Variants in CLDN24 observed in about 807,000 individuals in gnomAD.
The protein encoded by CLDN24 is claudin-24.
For missense variants in CLDN24, 217 were observed against 253.9 expected, an observed-to-expected ratio of 0.85 and a Z score of 0.99; for synonymous variants, 103 against 104.7, an observed-to-expected ratio of 0.98 and a Z score of 0.10.
In CLDN24 at chr4:183,322,365, C is replaced by T. The variant is rs774618942; in HGVS notation, c.62G>A (p.Trp21Ter). 2 of 1,612,880 alleles carry T rather than the reference C, an allele frequency of 1.2e-6. No individual in the cohort carries two copies. Among genetic ancestry groups the T allele is most frequent in the African/African-American group, 1.3e-5 (1 of 75,014 alleles). The change falls in exon 1 of 1, where the codon TGG becomes TAG. Residue 21 changes from tryptophan to a stop codon, truncating the protein, a stop_gained. Transcript: ENST00000541814. LOFTEE classifies it low-confidence loss of function (END_TRUNC). ...ATAAGTTGTAATAATGGATAAAATC[C>T]ATCCCAGGAGAGATAGTAAAAGTCC... Reference protein sequence around the residue: ...SVGLLLSLLGWILSIITTYLP... With the variant: ...SVGLLLSLLG
Position 183,322,223 on chromosome 4 carries a change from G to C in CLDN24, c.204C>G (p.Asp68Glu). 1 of 1,613,790 alleles carries C rather than the reference G, an allele frequency of 6.2e-7. No homozygotes were observed. Among genetic ancestry groups the C allele is most frequent in the South Asian group, 1.1e-5 (1 of 91,066 alleles). The stretch of plus-strand genomic sequence containing the variant: ...GTTCAGCAGGCAAAGCCAGGAAGGA[G>C]TCAAAGTCCTTGCATTGCATCCCCA... Reference protein sequence around the residue: ...EEVGMQCKDFDSFLALPAELR... With the variant: ...EEVGMQCKDFESFLALPAELR... The change falls in exon 1 of 1, where the codon GAC (aspartate) becomes GAG (glutamate). Residue 68 changes from aspartate (D) to glutamate (E), a missense_variant. Coordinates refer to ENST00000541814, the MANE Select transcript of CLDN24 (RefSeq NM_001185149.1).
chr4:183,322,156 C>A lies in CLDN24; in HGVS notation c.271G>T (p.Gly91Ter), dbSNP rs1353294440. Residue 91 changes from glycine to a stop codon, truncating the protein, a stop_gained, in exon 1 of 1, where the codon GGA becomes TGA. Transcript: ENST00000541814. LOFTEE classifies it low-confidence loss of function (END_TRUNC). ...CCAGAGACCAGCAGGCCCAGAAATC[C>A]CAGCCCATTTGACAGAAACATTAAG... ...RILMFLSNGL[G>*]FLGLLVSGFG... 1.9e-6 allele frequency: 3 copies of A among 1,612,692 alleles called. No individual in the cohort carries two copies. Among genetic ancestry groups the A allele is most frequent in the Non-Finnish European group, 2.5e-6 (3 of 1,179,248 alleles).
chr4:183,322,065 A>G lies in CLDN24; in HGVS notation c.362T>C (p.Leu121Pro), dbSNP rs1012681422. 1 of 1,613,972 alleles carries G rather than the reference A, an allele frequency of 6.2e-7. No homozygotes were observed. The highest frequency in any genetic ancestry group is 1.3e-5 in the African/African-American group (1 of 75,028). Residue 121 changes from leucine (L) to proline (P), a missense_variant, in exon 1 of 1, where the codon CTG becomes CCG. Physicochemically the swap from Leu to Pro is moderately conservative, Grantham distance 98 (BLOSUM62 -3). Coordinates refer to ENST00000541814, the MANE Select transcript of CLDN24 (RefSeq NM_001185149.1). ...CGAGGCCCAGGACAGAATTCCTCCC[A>G]GAATGAGCAGTCGCCTCTTGAGATC... ...QRDLKRRLLI[L>P]GGILSWASGI...
rs1457527250 is a variant in CLDN24, at chr4:183,321,933, G to A, written c.494C>T (p.Ala165Val). Residue 165 changes from alanine to valine, a missense_variant, in exon 1 of 1, where the codon GCC (alanine) becomes GTC (valine). Ala to Val is a moderately conservative substitution (Grantham distance 64). Coordinates refer to ENST00000541814, the MANE Select transcript of CLDN24 (RefSeq NM_001185149.1). ...DFVPRWEFGEALFLGWFAGLS... is the reference protein window; with the variant it reads ...DFVPRWEFGEVLFLGWFAGLS... ...TCCAGCAAACCAGCCCAGAAACAGG[G>A]CCTCCCCAAACTCCCACCTGGGGAC... 6.3e-7 allele frequency: 1 copy of A among 1,588,584 alleles called. No individual in the cohort carries two copies. Among genetic ancestry groups the A allele is most frequent in the South Asian group, 1.1e-5 (1 of 87,482 alleles).
chr4:183,322,180 A>G lies in CLDN24; in HGVS notation c.247T>C (p.Leu83=), dbSNP rs1178217045. The change falls in exon 1 of 1, where the codon TTA becomes CTA. Residue 83 remains leucine (L), a synonymous_variant. Transcript: ENST00000541814. ...LPAELRVSRI[L]MFLSNGLGFL... ...CCCAGCCCATTTGACAGAAACATTA[A>G]GATCCTGGAGACCCTGAGTTCAGCA... The G allele has an allele frequency of 3.7e-6, 6 of 1,613,060 alleles. No individual in the cohort carries two copies. The highest frequency in any genetic ancestry group is 5.1e-6 in the Non-Finnish European group (6 of 1,179,446).
rs753937324 is a variant in CLDN24 at position 183,322,019 on chromosome 4, G to A, written c.408C>T (p.Pro136=). Residue 136 remains proline, a synonymous_variant, in exon 1 of 1, where the codon CCC becomes CCT. Transcript: ENST00000541814. ...CCGTCTTGTGGGCAACCCAAGAGACGGGAACCAGGGCTGTGATTCCCGAGG... is the reference window on the plus strand; with the variant it reads ...CCGTCTTGTGGGCAACCCAAGAGACAGGAACCAGGGCTGTGATTCCCGAGG... The part of the protein sequence containing the change: ...SWASGITALV[P]VSWVAHKTVQ... 43 of 1,613,660 alleles carry A rather than the reference G, an allele frequency of 2.7e-5. 1 individual carries two copies. In the East Asian group the frequency reaches 5.1e-4, roughly 19 times the overall value.
At position 183,322,160 on chromosome 4, in the gene CLDN24, C is replaced by A; in HGVS notation, c.267G>T (p.Gly89=). 1 of 1,612,810 alleles carries A rather than the reference C, an allele frequency of 6.2e-7. No individual in the cohort carries two copies. The highest frequency in any genetic ancestry group is 8.5e-7 in the Non-Finnish European group (1 of 1,179,204). ...VSRILMFLSN[G]LGFLGLLVSG... is the part of the protein sequence containing the mutation. Reference sequence around the variant, plus strand: ...AGACCAGCAGGCCCAGAAATCCCAGCCCATTTGACAGAAACATTAAGATCC... The same window carrying A: ...AGACCAGCAGGCCCAGAAATCCCAGACCATTTGACAGAAACATTAAGATCC... The change falls in exon 1 of 1, where the codon GGG becomes GGT. Residue 89 remains glycine (G), a synonymous_variant. Transcript: ENST00000541814.
rs376740595 is a variant in CLDN24, at chr4:183,322,337, C to G, written c.90G>C (p.Leu30Phe). Reference sequence around the variant, plus strand: ...CCAGGTTGAGGTTCTTCCAGTGTGGCAAATAAGTTGTAATAATGGATAAAA... The same window carrying G: ...CCAGGTTGAGGTTCTTCCAGTGTGGGAAATAAGTTGTAATAATGGATAAAA... ...GWILSIITTY[L>F]PHWKNLNLDL... Residue 30 changes from leucine to phenylalanine, a missense_variant, in exon 1 of 1, where the codon TTG (leucine) becomes TTC (phenylalanine). Leu to Phe is a conservative substitution (Grantham distance 22). Coordinates refer to ENST00000541814, the MANE Select transcript of CLDN24 (RefSeq NM_001185149.1). The G allele has an allele frequency of 1.9e-6, 3 of 1,613,850 alleles. No individual in the cohort carries two copies. Among genetic ancestry groups the G allele is most frequent in the Admixed American group, 3.3e-5 (2 of 60,012 alleles).
chr4:183,322,001 G>A lies in CLDN24; in HGVS notation c.426C>T (p.His142=). 2 of 1,613,238 alleles carry A rather than the reference G, an allele frequency of 1.2e-6. No homozygotes were observed. Among genetic ancestry groups the A allele is most frequent in the Non-Finnish European group, 1.7e-6 (2 of 1,179,588 alleles). Reference sequence around the variant, plus strand: ...CATCCCAGAACTCCTGAACCGTCTTGTGGGCAACCCAAGAGACGGGAACCA... The same window carrying A: ...CATCCCAGAACTCCTGAACCGTCTTATGGGCAACCCAAGAGACGGGAACCA... ...TALVPVSWVA[H]KTVQEFWDEN... is the part of the protein sequence containing the mutation. The change falls in exon 1 of 1, where the codon CAC becomes CAT. Residue 142 remains histidine, a synonymous_variant. Coordinates refer to ENST00000541814, the MANE Select transcript of CLDN24 (RefSeq NM_001185149.1).
chr4:183,322,227 A>C lies in CLDN24; in HGVS notation c.200T>G (p.Phe67Cys), dbSNP rs765408441. ...AGCAGGCAAAGCCAGGAAGGAGTCA[A>C]AGTCCTTGCATTGCATCCCCACTTC... ...QEEVGMQCKD[F>C]DSFLALPAEL... The change falls in exon 1 of 1, where the codon TTT (phenylalanine) becomes TGT (cysteine). Residue 67 changes from phenylalanine (F) to cysteine (C), a missense_variant. Transcript: ENST00000541814. 1.9e-6 allele frequency: 3 copies of C among 1,613,886 alleles called. No individual in the cohort carries two copies. Among genetic ancestry groups the C allele is most frequent in the South Asian group, 2.2e-5 (2 of 91,072 alleles).
chr4:183,322,166 T>A lies in CLDN24; in HGVS notation c.261A>T (p.Ser87=), dbSNP rs992065839. ...GCAGGCCCAGAAATCCCAGCCCATT[T>A]GACAGAAACATTAAGATCCTGGAGA... ...LRVSRILMFL[S]NGLGFLGLLV... The change falls in exon 1 of 1, where the codon TCA becomes TCT. Residue 87 remains serine (S), a synonymous_variant. Coordinates refer to ENST00000541814, the MANE Select transcript of CLDN24 (RefSeq NM_001185149.1). 6 of 1,612,934 alleles carry A rather than the reference T, an allele frequency of 3.7e-6. No individual in the cohort carries two copies. The highest frequency in any genetic ancestry group is 5.1e-6 in the Non-Finnish European group (6 of 1,179,290).
In CLDN24 at chr4:183,322,163, A is replaced by G. The variant is rs777130019; in HGVS notation, c.264T>C (p.Asn88=). ...RVSRILMFLS[N]GLGFLGLLVS... ...CCAGCAGGCCCAGAAATCCCAGCCC[A>G]TTTGACAGAAACATTAAGATCCTGG... The change falls in exon 1 of 1, where the codon AAT becomes AAC. Residue 88 remains asparagine (N), a synonymous_variant. Transcript: ENST00000541814. 1.2e-6 allele frequency: 2 copies of G among 1,612,942 alleles called. No homozygotes were observed. The highest frequency in any genetic ancestry group is 8.5e-7 in the Non-Finnish European group (1 of 1,179,262).
At position 183,321,764 on chromosome 4, in the gene CLDN24, T is replaced by G; in HGVS notation, c.663A>C (p.Ter221TyrextTer?). The change falls in exon 1 of 1, where the codon TAA (stop) becomes TAC (tyrosine). Residue 221 changes from the stop codon to tyrosine, a stop_lost. Transcript: ENST00000541814. ...ATACATCTCTGGCCTTGTCGGAGTC[T>G]TACACTTGAGGATCTGCTGTCCCAT... is the stretch of plus-strand genomic sequence containing the variant. ...LEDGTADPQV* is the reference protein window; with the variant it reads ...LEDGTADPQVY 1.9e-6 allele frequency: 3 copies of G among 1,541,534 alleles called. No homozygotes were observed. The highest frequency in any genetic ancestry group is 2.6e-6 in the Non-Finnish European group (3 of 1,144,880).
In CLDN24 at chr4:183,321,959, A is replaced by G. The variant is rs541294328; in HGVS notation, c.468T>C (p.Phe156=). The part of the protein sequence containing the change: ...QEFWDENVPD[F]VPRWEFGEAL... ...CCTCCCCAAACTCCCACCTGGGGAC[A>G]AAGTCTGGGACGTTCTCATCCCAGA... is the stretch of plus-strand genomic sequence containing the variant. Residue 156 remains phenylalanine (F), a synonymous_variant, in exon 1 of 1, where the codon TTT becomes TTC. Transcript: ENST00000541814. 1 of 1,595,214 alleles carries G rather than the reference A, an allele frequency of 6.3e-7. No individual in the cohort carries two copies. The highest frequency in any genetic ancestry group is 1.3e-5 in the African/African-American group (1 of 74,394).
chr4:183,321,995 C>T lies in CLDN24; in HGVS notation c.432G>A (p.Thr144=), dbSNP rs974162223. ...LVPVSWVAHK[T]VQEFWDENVP... ...CGTTCTCATCCCAGAACTCCTGAAC[C>T]GTCTTGTGGGCAACCCAAGAGACGG... The change falls in exon 1 of 1, where the codon ACG becomes ACA. Residue 144 remains threonine, a synonymous_variant. Transcript: ENST00000541814. 18 of 1,612,192 alleles carry T rather than the reference C, an allele frequency of 1.1e-5. No individual in the cohort carries two copies. Among genetic ancestry groups the T allele is most frequent in the East Asian group, 4.5e-5 (2 of 44,804 alleles).
chr4:183,321,967 G>C lies in CLDN24; in HGVS notation c.460C>G (p.Pro154Ala), dbSNP rs746274949. 6.3e-6 allele frequency: 10 copies of C among 1,599,536 alleles called. No individual in the cohort carries two copies. The highest frequency in any genetic ancestry group is 1.7e-4 in the Middle Eastern group (1 of 6,056). The change falls in exon 1 of 1, where the codon CCA (proline) becomes GCA (alanine). Residue 154 changes from proline (P) to alanine (A), a missense_variant. Coordinates refer to ENST00000541814, the MANE Select transcript of CLDN24 (RefSeq NM_001185149.1). Reference sequence around the variant, plus strand: ...AACTCCCACCTGGGGACAAAGTCTGGGACGTTCTCATCCCAGAACTCCTGA... The same window carrying C: ...AACTCCCACCTGGGGACAAAGTCTGCGACGTTCTCATCCCAGAACTCCTGA... ...TVQEFWDENV[P>A]DFVPRWEFGE...
chr4:183,322,186 T>C lies in CLDN24; in HGVS notation c.241A>G (p.Arg81Gly), dbSNP rs774106853. Reference sequence around the variant, plus strand: ...CCATTTGACAGAAACATTAAGATCCTGGAGACCCTGAGTTCAGCAGGCAAA... The same window carrying C: ...CCATTTGACAGAAACATTAAGATCCCGGAGACCCTGAGTTCAGCAGGCAAA... The part of the protein sequence containing the change: ...LALPAELRVS[R>G]ILMFLSNGLG... Residue 81 changes from arginine to glycine, a missense_variant, in exon 1 of 1, where the codon AGG (arginine) becomes GGG (glycine). Physicochemically the swap from Arg to Gly is moderately radical, Grantham distance 125. Transcript: ENST00000541814. 5 of 1,613,336 alleles carry C rather than the reference T, an allele frequency of 3.1e-6. No individual in the cohort carries two copies. The highest frequency in any genetic ancestry group is 2.2e-5 in the East Asian group (1 of 44,876).
rs1303255708 is a variant in CLDN24, at chr4:183,322,353, A to C, written c.74T>G (p.Ile25Ser). Residue 25 changes from isoleucine to serine, a missense_variant, in exon 1 of 1, where the codon ATT (isoleucine) becomes AGT (serine). Ile to Ser is a moderately radical substitution (Grantham distance 142). Transcript: ENST00000541814. ...LLSLLGWILSIITTYLPHWKN... is the reference protein window; with the variant it reads ...LLSLLGWILSSITTYLPHWKN... ...CCAGTGTGGCAAATAAGTTGTAATA[A>C]TGGATAAAATCCATCCCAGGAGAGA... The C allele has an allele frequency of 1.2e-6, 2 of 1,613,560 alleles. No homozygotes were observed. Among genetic ancestry groups the C allele is most frequent in the Non-Finnish European group, 1.7e-6 (2 of 1,180,036 alleles).
At position 183,321,936 on chromosome 4, in the gene CLDN24, TC is replaced by T. The variant is rs1739661085; in HGVS notation, c.490del (p.Glu164ArgfsTer15). 1 of 1,587,752 alleles carries T rather than the reference TC, an allele frequency of 6.3e-7. No individual in the cohort carries two copies. Among genetic ancestry groups the T allele is most frequent in the Non-Finnish European group, 8.6e-7 (1 of 1,167,118 alleles). On this transcript the variant is annotated frameshift_variant, in exon 1 of 1. Coordinates refer to ENST00000541814, the MANE Select transcript of CLDN24 (RefSeq NM_001185149.1). LOFTEE classifies it low-confidence loss of function (END_TRUNC). ...PDFVPRWEFG[E>X]ALFLGWFAGL... ...AGCAAACCAGCCCAGAAACAGGGCC[TC>T]CCCAAACTCCCACCTGGGGACAAAG...
Sources: gnomAD v4.1 joint callset for allele counts on GRCh38, gnomAD v4.1.1 for gene constraint, MANE v1.5 for transcripts, NCBI Gene and HGNC (gene_info 2026-07-23, HGNC 2026-07-21) for gene names.